Variants in ARHGAP28 observed in about 807,000 individuals in gnomAD.
The protein encoded by ARHGAP28 is rho GTPase-activating protein 28.
A neutral mutation model predicts 90.7 loss-of-function variants in ARHGAP28; 56 were observed. The ratio of observed to expected loss-of-function variants is 0.62; its 90% CI spans 0.50 to 0.77. The LOEUF (loss-of-function observed/expected upper bound fraction) is 0.77. Ranked by LOEUF, ARHGAP28 falls within the 30% of genes least tolerant of loss-of-function variation. The pLI is 0.00. For synonymous variants in ARHGAP28, 308 were observed against 323.3 expected (o/e 0.95, Z 0.51); for missense variants, 869 against 900.9 (o/e 0.96, Z 0.45).
intron 1 of ARHGAP28, among the ~76,000 whole-genome samples, chr18:6,818,774 C>G (rs572296370): frequency 1.2e-4 from 19 of 152,282 alleles, no homozygotes; most frequent in African/African-American, 4.6e-4. Flanking sequence ...GAAGAAAGAA[C>G]TTGGCTTTTT....
intron 14 of ARHGAP28, among the ~76,000 whole-genome samples, chr18:6,891,695 C>T (rs1280561654): frequency 2.0e-5 from 3 of 152,166 alleles, no homozygotes; most frequent in Admixed American, 6.5e-5. Flanking sequence ...TCAAGTGATC[C>T]TCCTGCCTGA....
At chr18:6,853,242 A>G (rs2056924275) in intron 4 of ARHGAP28, among the ~76,000 whole-genome samples, 1 of 152,170 alleles carries the variant, frequency 6.6e-6, no homozygotes, top group Non-Finnish European at 1.5e-5. Flanking sequence ...TTCCAGAGCT[A>G]TCTGAAAATC....
intron 5 of ARHGAP28, among the ~76,000 whole-genome samples, chr18:6,860,400 T>C (rs2056987997): frequency 6.6e-6 from 1 of 151,736 alleles, no homozygotes; most frequent in Non-Finnish European, 1.5e-5. Flanking sequence ...CTTGTACTTT[T>C]GTTTTGTCAA....
At chr18:6,831,524 A>C (rs1182720700) in intron 2 of ARHGAP28, among the ~76,000 whole-genome samples, 1 of 130,150 alleles carries the variant, frequency 7.7e-6, no homozygotes, top group African/African-American at 3.0e-5. Context: ...GTTTTAGGGT[A>C]CATGTGCACA....
chr18:6,741,915 G>A (rs1231867581), intron 1 of ARHGAP28, among the ~76,000 whole-genome samples: 8 of 152,024 alleles, frequency 5.3e-5, no homozygotes, highest in Non-Finnish European at 1.0e-4. Flanking sequence ...TCCCCCAATC[G>A]CTTTATTCCT....
In ARHGAP28 at chr18:6,820,379, G is replaced by A. The variant is rs749717055; in HGVS notation, c.123-4383G>A. Among the ~76,000 whole-genome samples, 9 of 152,226 alleles carry A rather than the reference G, an allele frequency of 5.9e-5. No individual in the cohort carries two copies. The South Asian group carries it at 6.2e-4, about 11-fold the overall frequency. On this transcript the variant is annotated intron_variant, in intron 1 of 17. Transcript: ENST00000383472. Reference sequence around the variant, plus strand: ...ATGTTTTAACTGAAGCAGAGAGAGAGTTGGGGGAGGGAAGCAAAGCAGATT... The same window carrying A: ...ATGTTTTAACTGAAGCAGAGAGAGAATTGGGGGAGGGAAGCAAAGCAGATT...
At chr18:6,841,180 C>CCTCTCTCTCTCTCTCTCTCT (rs143797436) in intron 3 of ARHGAP28, among the ~76,000 whole-genome samples, 10 of 57,066 alleles carry the variant, frequency 1.8e-4, no homozygotes, top group South Asian at 7.4e-4. Flanking sequence ...CTCTCTCTCT[C>CCTCTCTCTCTCTCTCTCTCT]CTCTCTCTCT....
chr18:6,833,746 G>T (rs61189556), intron 2 of ARHGAP28, among the ~76,000 whole-genome samples: 2 of 152,104 alleles, frequency 1.3e-5, no homozygotes, highest in Non-Finnish European at 2.9e-5. Context: ...GGTTTCTCCA[G>T]TGTGAACTTA....
chr18:6,854,473 T>C (rs973212378), intron 4 of ARHGAP28, among the ~76,000 whole-genome samples: 1 of 152,228 alleles, frequency 6.6e-6, no homozygotes, highest in Non-Finnish European at 1.5e-5. Context: ...CTTCAGTTGC[T>C]GGATATTTTC....
At position 6,912,946 on chromosome 18, in the gene ARHGAP28, G is replaced by A. The variant is rs913408123; in HGVS notation, c.*792G>A. 3.3e-5 allele frequency: 5 copies of A among 152,116 alleles called. No homozygotes were observed. Among genetic ancestry groups the A allele is most frequent in the Admixed American group, 2.0e-4 (3 of 15,272 alleles). 9.4% of individuals were successfully genotyped at this position (152,116 alleles called of 1,614,324 possible). ...CACAGAGCCTACATTTTCTCATTACGGTTATGATGCTCAGTATCTTTCCAA... is the reference window on the plus strand; with the variant it reads ...CACAGAGCCTACATTTTCTCATTACAGTTATGATGCTCAGTATCTTTCCAA... On this transcript the variant is annotated 3_prime_UTR_variant, in exon 18 of 18. Coordinates refer to ENST00000383472, the MANE Select transcript of ARHGAP28 (RefSeq NM_001366230.1).
chr18:6,909,295 CTTTTCT>C (rs200158128), intron 17 of ARHGAP28, among the ~76,000 whole-genome samples: 10,056 of 52,036 alleles, frequency 0.19, 500 homozygotes, highest in Non-Finnish European at 0.26. Flanking sequence ...CTTTTCTTTT[CTTTTCT>C]TTTTTTTTTG....
intron 1 of ARHGAP28, among the ~76,000 whole-genome samples, chr18:6,750,527 A>T (rs966013470): frequency 6.6e-6 from 1 of 152,196 alleles, no homozygotes; most frequent in African/African-American, 2.4e-5. Context: ...AAAGAATGTC[A>T]AAGACTGGAT....
At chr18:6,786,443 A>T (rs751248054) in intron 1 of ARHGAP28, among the ~76,000 whole-genome samples, 8 of 152,124 alleles carry the variant, frequency 5.3e-5, no homozygotes, top group Non-Finnish European at 1.2e-4. Flanking sequence ...CCCAGTGGAG[A>T]AGAGCAGTCC....
intron 10 of ARHGAP28, among the ~76,000 whole-genome samples, chr18:6,876,946 C>T (rs1239524309): frequency 6.6e-6 from 1 of 152,196 alleles, no homozygotes; most frequent in Non-Finnish European, 1.5e-5. Flanking sequence ...TGCGGGTAGG[C>T]ATACACCATG....
intron 1 of ARHGAP28, among the ~76,000 whole-genome samples, chr18:6,732,102 GT>G (rs58471366): frequency 0.91 from 135,331 of 149,514 alleles, 62,710 homozygotes; most frequent in East Asian, 1. Flanking sequence ...TGTTTTTAAG[GT>G]TTTTTTTTTT....
chr18:6,828,330 G>C (rs2056690391), intron 2 of ARHGAP28, among the ~76,000 whole-genome samples: 1 of 152,104 alleles, frequency 6.6e-6, no homozygotes. Context: ...CGGCATCAGA[G>C]GGAGACCGTG....
At chr18:6,786,144 G>A (rs886918439) in intron 1 of ARHGAP28, among the ~76,000 whole-genome samples, 1 of 152,318 alleles carries the variant, frequency 6.6e-6, no homozygotes, top group South Asian at 2.1e-4. Context: ...GTATTTTGAC[G>A]TGGAGTGACC....
chr18:6,777,716 C>A (rs1431777364), intron 1 of ARHGAP28, among the ~76,000 whole-genome samples: 1 of 151,778 alleles, frequency 6.6e-6, no homozygotes. Context: ...CAGAGCAAGA[C>A]CCTGTCTCAA....
At chr18:6,833,524 A>G (rs991063264) in intron 2 of ARHGAP28, among the ~76,000 whole-genome samples, 3 of 151,726 alleles carry the variant, frequency 2.0e-5, no homozygotes, top group Non-Finnish European at 2.9e-5. Flanking sequence ...ACACTTGAAA[A>G]TTGCAGGTAA....
Sources: gnomAD v4.1 joint callset for allele counts (sites outside exome capture counted in the v4.1 genomes callset) on GRCh38, gnomAD v4.1.1 for gene constraint, MANE v1.5 for transcripts, NCBI Gene and HGNC (gene_info 2026-07-23, HGNC 2026-07-21) for gene names.